Variants in USP25 observed in about 807,000 individuals in gnomAD.
The protein encoded by USP25 is ubiquitin specific peptidase 25.
USP25 carries 85 observed loss-of-function variants against 158.5 expected under a neutral mutation model. That is an observed-to-expected ratio of 0.54 (90% CI 0.45 to 0.64). USP25 has a LOEUF of 0.64. Ranked by LOEUF, USP25 falls within the 30% of genes least tolerant of loss-of-function variation. The probability of loss-of-function intolerance (pLI) is 0.00; values close to 1 mark genes in which losing one functional copy is unlikely to be tolerated. For synonymous variants in USP25, 464 were observed against 460.4 expected (o/e 1.01, Z -0.10); for missense variants, 1,242 against 1,327.3 (o/e 0.94, Z 1.00).
In USP25 at chr21:15,777,904, A is replaced by T; in HGVS notation, c.269A>T (p.Asn90Ile). The T allele has an allele frequency of 6.3e-7, 1 of 1,582,106 alleles. No individual in the cohort carries two copies. The highest frequency in any genetic ancestry group is 8.5e-7 in the Non-Finnish European group (1 of 1,170,626). Residue 90 changes from asparagine (N) to isoleucine (I), a missense_variant and splice_region_variant, in exon 4 of 26, where the codon AAT becomes ATT. By Grantham distance (149) the Asn-to-Ile change is moderately radical (BLOSUM62 -3). Transcript: ENST00000400183. ...TGAGAAAGATAGTTTTGCTTTTCAG[A>T]TGTGATTGATCTCACTGGAGATGAT... ...YISVGSQADT[N>I]VIDLTGDDKD...
intron 9 of USP25, among the ~76,000 whole-genome samples, chr21:15,811,524 A>T (rs2036661132): frequency 6.6e-6 from 1 of 152,164 alleles, no homozygotes; most frequent in Non-Finnish European, 1.5e-5. Flanking sequence ...TCCTTTGAAG[A>T]TAATATTGGA....
chr21:15,849,207 A>G (rs2038773287), intron 19 of USP25, among the ~76,000 whole-genome samples: 1 of 152,110 alleles, frequency 6.6e-6, no homozygotes, highest in Non-Finnish European at 1.5e-5. Flanking sequence ...TCTTTTTTGC[A>G]AGTGCTTATG....
At chr21:15,743,744 G>T (rs1168637446) in intron 1 of USP25, among the ~76,000 whole-genome samples, 2 of 152,264 alleles carry the variant, frequency 1.3e-5, no homozygotes, top group East Asian at 1.9e-4. Context: ...ACCTGTCCCT[G>T]CCTGCCTAGG....
intron 4 of USP25, among the ~76,000 whole-genome samples, chr21:15,783,976 A>T (rs2035126656): frequency 6.6e-6 from 1 of 152,130 alleles, no homozygotes; most frequent in South Asian, 2.1e-4. Flanking sequence ...TCTCAAAAAA[A>T]ATAAAGAAAA....
intron 20 of USP25, among the ~76,000 whole-genome samples, chr21:15,860,753 C>G (rs2039388181): frequency 6.6e-6 from 1 of 151,942 alleles, no homozygotes; most frequent in Admixed American, 6.6e-5. Context: ...ACTCTCTTAA[C>G]CAACTTTATT....
In USP25 at chr21:15,766,132, G is replaced by A; in HGVS notation, c.259G>A (p.Ala87Thr). Residue 87 changes from alanine to threonine, a missense_variant, in exon 3 of 26, where the codon GCA (alanine) becomes ACA (threonine). By Grantham distance (58) the Ala-to-Thr change is moderately conservative. Around this residue, in one of 3 missense-constraint regions of USP25, gnomAD observed 627 missense variants for 701.4 expected, o/e 0.89. Transcript: ENST00000400183. The surrounding 1 kb of genome is among the most constrained non-coding windows in gnomAD (Gnocchi z 4.0). The stretch of plus-strand genomic sequence containing the variant: ...TAGATACATCAGTGTGGGAAGCCAA[G>A]CAGATACAAGTAAGTTTTCTTTCTT... ...NDRYISVGSQ[A>T]DTNVIDLTGD... The A allele has an allele frequency of 6.3e-7, 1 of 1,588,676 alleles. No homozygotes were observed. Among genetic ancestry groups the A allele is most frequent in the Non-Finnish European group, 8.5e-7 (1 of 1,172,016 alleles).
chr21:15,811,402 G>A (rs1027365240), intron 9 of USP25, among the ~76,000 whole-genome samples, 192 bp downstream of exon 9: 3 of 152,138 alleles, frequency 2.0e-5, no homozygotes, highest in Non-Finnish European at 4.4e-5. Flanking sequence ...TGTACAGAGT[G>A]CATTATCACA....
Position 15,760,318 on chromosome 21 carries a change from G to A in USP25, c.46-2573G>A, listed in dbSNP as rs145285971. Among the ~76,000 whole-genome samples the A allele has an allele frequency of 5.1e-3, 771 of 152,294 alleles. 7 individuals are homozygous for A. The highest frequency in any genetic ancestry group is 8.2e-3 in the Non-Finnish European group (556 of 68,014). On this transcript the variant is annotated intron_variant, in intron 1 of 25. Transcript: ENST00000400183. ...CTTTATCCTACCTAGAACTTGGACA[G>A]GATGATGGAGGAGGAGACCATGCAG... is the stretch of plus-strand genomic sequence containing the variant.
At chr21:15,785,278 A>G (rs2035207322) in intron 4 of USP25, among the ~76,000 whole-genome samples, 1 of 152,210 alleles carries the variant, frequency 6.6e-6, no homozygotes, top group Non-Finnish European at 1.5e-5. Flanking sequence ...TAAAGGGGGA[A>G]ATAGACTCCA....
At chr21:15,838,546 T>C (rs1310409677) in intron 17 of USP25, among the ~76,000 whole-genome samples, 2 of 152,148 alleles carry the variant, frequency 1.3e-5, no homozygotes, top group African/African-American at 4.8e-5. Context: ...CCCAGGAATC[T>C]GAAGTTTCAA....
chr21:15,849,216 T>C (rs538478736), intron 19 of USP25, among the ~76,000 whole-genome samples: 2 of 152,326 alleles, frequency 1.3e-5, no homozygotes, highest in South Asian at 2.1e-4. Context: ...CAAGTGCTTA[T>C]GTGACAGAGT....
intron 10 of USP25, among the ~76,000 whole-genome samples, chr21:15,823,442 C>T (rs1264490966): frequency 3.3e-5 from 5 of 152,132 alleles, no homozygotes; most frequent in African/African-American, 1.2e-4. Flanking sequence ...TCTTTAAACA[C>T]TAGTTATTTT....
intron 20 of USP25, among the ~76,000 whole-genome samples, chr21:15,851,174 T>C (rs2038869529): frequency 6.6e-6 from 1 of 150,870 alleles, no homozygotes; most frequent in Non-Finnish European, 1.5e-5. Context: ...GGAAAAGTTA[T>C]TTATGATTTA....
At chr21:15,806,429 C>T (rs2036394535) in intron 7 of USP25, among the ~76,000 whole-genome samples, 3 of 140,186 alleles carry the variant, frequency 2.1e-5, no homozygotes. Context: ...TTTCTGGTTT[C>T]TTTTTTTTTT....
chr21:15,845,466 A>G (rs2038536708), intron 18 of USP25, among the ~76,000 whole-genome samples: 1 of 152,118 alleles, frequency 6.6e-6, no homozygotes, highest in African/African-American at 2.4e-5. Flanking sequence ...AAATGATACT[A>G]CAGAATTATT....
intron 4 of USP25, among the ~76,000 whole-genome samples, chr21:15,786,561 C>T (rs1251676633): frequency 1.3e-5 from 2 of 152,086 alleles, no homozygotes; most frequent in African/African-American, 2.4e-5. Context: ...AAGCACATTA[C>T]AAAGTTTAAC....
intron 9 of USP25, among the ~76,000 whole-genome samples, chr21:15,812,961 C>T (rs1389164393): frequency 2.0e-5 from 3 of 152,090 alleles, no homozygotes; most frequent in African/African-American, 4.8e-5. Flanking sequence ...CCCCTCTCAG[C>T]CCTTCTCTGT....
chr21:15,877,608 A>C, intron 24 of USP25, 188 bp from the exon 25 acceptor site: 1 of 458,886 alleles, frequency 2.2e-6, no homozygotes, highest in Non-Finnish European at 3.8e-6. Flanking sequence ...TGTTGTTGCC[A>C]TATGCATAGC....
At chr21:15,817,173 CAA>C (rs11334812) in intron 9 of USP25, among the ~76,000 whole-genome samples, 64 of 136,090 alleles carry the variant, frequency 4.7e-4, no homozygotes, top group African/African-American at 1.5e-3. Context: ...TCTAGTTGTT[CAA>C]AAAAAAAAAA....
Sources: gnomAD v4.1 joint callset for allele counts (sites outside exome capture counted in the v4.1 genomes callset) on GRCh38, gnomAD v4.1.1 for gene constraint, gnomAD v4.1.1 regional missense constraint, Gnocchi (gnomAD v3.1) non-coding constraint, MANE v1.5 for transcripts, NCBI Gene and HGNC (gene_info 2026-07-23, HGNC 2026-07-21) for gene names.